The following NALF1 variants were observed in gnomAD, a reference collection of about 807,000 sequenced individuals.
NALF1 encodes NALCN channel auxiliary factor 1, also known as family with sequence similarity 155 member A.
Under a neutral mutation model 48.4 loss-of-function variants are expected in NALF1, and 3 were observed. The ratio of observed to expected loss-of-function variants is 0.06; its 90% CI spans 0.03 to 0.16. The LOEUF (loss-of-function observed/expected upper bound fraction) is 0.16, where lower values mean the gene tolerates loss of function less well. Ranked by LOEUF, NALF1 falls within the 10% of genes least tolerant of loss-of-function variation. The pLI is 1.00. For missense variants in NALF1, 526 were observed against 571.5 expected (o/e 0.92, Z 0.81); for synonymous variants, 262 against 245.7 (o/e 1.07, Z -0.62).
chr13:107,301,754 G>A (rs761754052), intron 1 of NALF1, among the ~76,000 whole-genome samples: 3 of 151,936 alleles, frequency 2.0e-5, no homozygotes, highest in African/African-American at 7.2e-5. Context: ...TATTTGATAT[G>A]TATTATTCTC....
At chr13:107,582,989 G>A (rs1448966700) in intron 1 of NALF1, among the ~76,000 whole-genome samples, 4 of 152,090 alleles carry the variant, frequency 2.6e-5, no homozygotes, top group African/African-American at 7.2e-5. Flanking sequence ...CTCTCTGGAA[G>A]CTTTTGGAAT....
intron 1 of NALF1, among the ~76,000 whole-genome samples, chr13:107,622,875 T>C (rs1176719389): frequency 6.6e-6 from 1 of 152,208 alleles, no homozygotes; most frequent in Admixed American, 6.5e-5. Flanking sequence ...CTACGGAGTT[T>C]TCTATCAAAG....
At chr13:107,338,355 G>A (rs954691931) in intron 1 of NALF1, among the ~76,000 whole-genome samples, 1 of 152,044 alleles carries the variant, frequency 6.6e-6, no homozygotes, top group African/African-American at 2.4e-5. Context: ...TGGGAAATGA[G>A]GTATAACTGG....
intron 1 of NALF1, among the ~76,000 whole-genome samples, chr13:107,648,585 T>C (rs530166475): frequency 4.5e-4 from 68 of 152,306 alleles, no homozygotes; most frequent in African/African-American, 1.6e-3. Flanking sequence ...CATTCACCTA[T>C]TGTAGGACAT....
chr13:107,827,618 G>A (rs10508196), intron 1 of NALF1, among the ~76,000 whole-genome samples: 12,281 of 152,186 alleles, frequency 0.081, 597 homozygotes, highest in East Asian at 0.14. Context: ...ATTTCGTTCC[G>A]TCTGCTTTTA....
chr13:107,824,525 G>A lies in NALF1; in HGVS notation c.915+41157C>T, dbSNP rs139022839. On this transcript the variant is annotated intron_variant, in intron 1 of 2. Coordinates refer to ENST00000375915, the MANE Select transcript of NALF1 (RefSeq NM_001080396.3). ...CTGGGGAAATGGTCCTCAGATTGGAGAACACAAAATCAAGGGAAGAACAGA... is the reference window on the plus strand; with the variant it reads ...CTGGGGAAATGGTCCTCAGATTGGAAAACACAAAATCAAGGGAAGAACAGA... Among the ~76,000 whole-genome samples, 465 of 152,270 alleles carry A rather than the reference G, an allele frequency of 3.1e-3. 3 individuals carry two copies. The highest frequency in any genetic ancestry group is 6.0e-3 in the Admixed American group (92 of 15,296).
chr13:107,276,477 A>C (rs1881283746), intron 1 of NALF1, among the ~76,000 whole-genome samples: 1 of 152,266 alleles, frequency 6.6e-6, no homozygotes, highest in Non-Finnish European at 1.5e-5. Context: ...AGCTATTTGT[A>C]TTTTGTAGAA....
intron 1 of NALF1, among the ~76,000 whole-genome samples, chr13:107,502,436 A>C (rs554923941): frequency 1.3e-5 from 2 of 152,272 alleles, no homozygotes; most frequent in African/African-American, 4.8e-5. Flanking sequence ...TAGATAGGTA[A>C]GCTACATTGA....
chr13:107,565,449 T>C (rs1877782563), intron 1 of NALF1, among the ~76,000 whole-genome samples: 1 of 149,442 alleles, frequency 6.7e-6, no homozygotes, highest in African/African-American at 2.5e-5. Flanking sequence ...AGGAAGGTGA[T>C]AAAGTATGCC....
intron 1 of NALF1, among the ~76,000 whole-genome samples, chr13:107,613,075 G>A (rs748274547): frequency 1.1e-4 from 16 of 151,954 alleles, no homozygotes; most frequent in Non-Finnish European, 2.2e-4. Context: ...CCACAGGGAT[G>A]GGCATCAAAG....
chr13:107,602,731 C>T (rs968804278), intron 1 of NALF1, among the ~76,000 whole-genome samples: 3 of 152,138 alleles, frequency 2.0e-5, no homozygotes, highest in African/African-American at 7.2e-5. Flanking sequence ...CGCGTCTAAC[C>T]CTGGAATCCA....
At chr13:107,671,815 C>T (rs572171735) in intron 1 of NALF1, among the ~76,000 whole-genome samples, 2 of 152,196 alleles carry the variant, frequency 1.3e-5, no homozygotes, top group East Asian at 1.9e-4. Context: ...GTTGATGCAA[C>T]ATTTCTTGTT....
intron 1 of NALF1, among the ~76,000 whole-genome samples, chr13:107,252,676 G>C (rs1447714691): frequency 6.6e-6 from 1 of 152,190 alleles, no homozygotes; most frequent in Non-Finnish European, 1.5e-5. Context: ...GTGGGGGAAA[G>C]AGATTAGACA....
intron 1 of NALF1, among the ~76,000 whole-genome samples, chr13:107,467,908 C>A (rs538625825): frequency 6.6e-6 from 1 of 151,934 alleles, no homozygotes; most frequent in Non-Finnish European, 1.5e-5. Flanking sequence ...ATTAGCCGGG[C>A]GTGGTGGCGG....
intron 1 of NALF1, among the ~76,000 whole-genome samples, chr13:107,764,662 C>T (rs779752791): frequency 2.6e-5 from 4 of 152,074 alleles, no homozygotes; most frequent in East Asian, 1.9e-4. Flanking sequence ...TGTTGTCAAG[C>T]GTGGAATGCA....
chr13:107,206,487 G>A (rs984927636), intron 2 of NALF1, among the ~76,000 whole-genome samples: 3 of 152,106 alleles, frequency 2.0e-5, no homozygotes, highest in Admixed American at 6.5e-5. Flanking sequence ...TTCAAATTTG[G>A]TACATGGTGA....
In NALF1 at chr13:107,538,162, C is replaced by T. The variant is rs146499116; in HGVS notation, c.916-327407G>A. Among the ~76,000 whole-genome samples the T allele has an allele frequency of 3.5e-4, 53 of 152,250 alleles. No individual in the cohort carries two copies. The East Asian group carries it at 0.01, about 29-fold the overall frequency. ...ATGATTGAAGACCACAATTGACTTT[C>T]AATTCTTCTATTTTCTACATCTGAC... On this transcript the variant is annotated intron_variant, in intron 1 of 2. Transcript: ENST00000375915.
chr13:107,752,277 G>T (rs1450568603), intron 1 of NALF1, among the ~76,000 whole-genome samples: 1 of 152,030 alleles, frequency 6.6e-6, no homozygotes, highest in Admixed American at 6.6e-5. Context: ...TATCACATGA[G>T]TATTATGGTT....
At chr13:107,197,592 C>T (rs923607430) in intron 2 of NALF1, among the ~76,000 whole-genome samples, 1 of 152,222 alleles carries the variant, frequency 6.6e-6, no homozygotes, top group Non-Finnish European at 1.5e-5. Flanking sequence ...TCACTGCATC[C>T]ACTCTCGTGT....
Sources: allele counts gnomAD v4.1 joint callset (sites outside exome capture counted in the v4.1 genomes callset), GRCh38; gene constraint gnomAD v4.1.1; transcripts MANE v1.5; gene names NCBI Gene and HGNC (gene_info 2026-07-23, HGNC 2026-07-21).